ROCK2: variants seen among roughly 807,000 people sequenced by gnomAD.
ROCK2 encodes the protein Rho associated coiled-coil containing protein kinase 2, also known as rho-associated protein kinase 2.
A neutral mutation model predicts 195.1 loss-of-function variants in ROCK2; 61 were observed. That is an observed-to-expected ratio of 0.31 (90% CI 0.25 to 0.39). The LOEUF (loss-of-function observed/expected upper bound fraction) is 0.39, where lower values mean the gene tolerates loss of function less well. Among genes scored for constraint, ROCK2 ranks in the 10% least tolerant of loss-of-function variants. The pLI is 1.00. For missense variants in ROCK2, 1,109 were observed against 1,637.4 expected, an observed-to-expected ratio of 0.68 and a Z score of 5.57; for synonymous variants, 504 against 545.5, an observed-to-expected ratio of 0.92 and a Z score of 1.06.
intron 15 of ROCK2, 44 bp from the exon 16 acceptor site, chr2:11,215,130 T>G: frequency 1.3e-6 from 2 of 1,599,102 alleles, no homozygotes; most frequent in African/African-American, 2.7e-5. Context: ...CAAACACACA[T>G]GTATGTAATG....
chr2:11,273,331 C>T (rs1371727773), intron 3 of ROCK2, among the ~76,000 whole-genome samples: 1 of 151,790 alleles, frequency 6.6e-6, no homozygotes, highest in African/African-American at 2.4e-5. Context: ...GAAATAGTAA[C>T]CAAAAGAGAG....
At chr2:11,227,074 G>T (rs995549245) in intron 6 of ROCK2, among the ~76,000 whole-genome samples, 180 bp downstream of exon 6, 4 of 151,796 alleles carry the variant, frequency 2.6e-5, no homozygotes, top group African/African-American at 9.7e-5. Context: ...CCAGTATCAG[G>T]CTTGGTATTA....
At chr2:11,238,245 T>TGTGTGTGTGTGTGTGTGTGTGTGTTG (rs11377542) in intron 4 of ROCK2, among the ~76,000 whole-genome samples, 1 of 38,452 alleles carries the variant, frequency 2.6e-5, no homozygotes, top group South Asian at 9.1e-4. Context: ...TGTGTGTCTG[T>TGTGTGTGTGTGTGTGTGTGTGTGTTG]TGTGTGTGTC....
At chr2:11,317,612 A>ATATAT (rs59701503) in intron 1 of ROCK2, among the ~76,000 whole-genome samples, 16 of 19,302 alleles carry the variant, frequency 8.3e-4, no homozygotes, top group African/African-American at 1.6e-3. Flanking sequence ...ATATATATAT[A>ATATAT]TTTTTTTTTT....
intron 5 of ROCK2, 104 bp from the exon 6 acceptor site, chr2:11,227,502 G>T: frequency 1.9e-6 from 2 of 1,068,024 alleles, no homozygotes; most frequent in Non-Finnish European, 1.3e-6. Flanking sequence ...ATTACATATT[G>T]CTAACCAACA....
chr2:11,237,329 G>T (rs1665246737), intron 4 of ROCK2, among the ~76,000 whole-genome samples: 1 of 152,184 alleles, frequency 6.6e-6, no homozygotes, highest in Non-Finnish European at 1.5e-5. Flanking sequence ...AATGTTCTCT[G>T]AACACACTGA....
intron 3 of ROCK2, among the ~76,000 whole-genome samples, chr2:11,260,164 T>C (rs1666173232): frequency 6.6e-6 from 1 of 151,414 alleles, no homozygotes; most frequent in African/African-American, 2.5e-5. Flanking sequence ...AGAAGTTGCT[T>C]AGGCCGGGTG....
At position 11,214,859 on chromosome 2, in the gene ROCK2, C is replaced by T. The variant is rs752195293; in HGVS notation, c.1917G>A (p.Glu639=). The T allele has an allele frequency of 3.7e-6, 6 of 1,611,168 alleles. No individual in the cohort carries two copies. The Admixed American group carries it at 1.0e-4, about 27-fold the overall frequency. The part of the protein sequence containing the change: ...SERRDRTHGS[E]IINDLQGRIC... ...CAATACCTTGTAAATCATTAATTAT[C>T]TCTGATCCATGGGTTCGATCCCTCC... Residue 639 remains glutamate, a synonymous_variant, in exon 16 of 33, where the codon GAG becomes GAA. Transcript: ENST00000315872.
chr2:11,246,272 T>C (rs1266207289), intron 4 of ROCK2, among the ~76,000 whole-genome samples: 2 of 152,132 alleles, frequency 1.3e-5, no homozygotes, highest in East Asian at 1.9e-4. Flanking sequence ...CATGTTAAAC[T>C]ACACCACAAG....
chr2:11,250,374 C>T (rs958369371), intron 3 of ROCK2, among the ~76,000 whole-genome samples: 1 of 152,070 alleles, frequency 6.6e-6, no homozygotes, highest in African/African-American at 2.4e-5. Context: ...TTCTATGTTT[C>T]CAATTAGACT....
At chr2:11,340,794 A>C (rs976547285) in intron 1 of ROCK2, among the ~76,000 whole-genome samples, 1 of 152,212 alleles carries the variant, frequency 6.6e-6, no homozygotes, top group African/African-American at 2.4e-5. Flanking sequence ...TGAAAATTGT[A>C]AACAAAGTTT....
chr2:11,273,718 T>A (rs1229684773), intron 3 of ROCK2, among the ~76,000 whole-genome samples: 1 of 151,866 alleles, frequency 6.6e-6, no homozygotes, highest in African/African-American at 2.4e-5. Context: ...CCAAAACAGA[T>A]CATATGTCAG....
At chr2:11,309,104 T>C (rs967569328) in intron 1 of ROCK2, among the ~76,000 whole-genome samples, 1 of 151,640 alleles carries the variant, frequency 6.6e-6, no homozygotes, top group Non-Finnish European at 1.5e-5. Flanking sequence ...AAATTCAAAG[T>C]CCAGCACATC....
chr2:11,340,499 T>A (rs897841682), intron 1 of ROCK2, among the ~76,000 whole-genome samples: 3 of 152,126 alleles, frequency 2.0e-5, no homozygotes, highest in African/African-American at 4.8e-5. Flanking sequence ...CCTATCAACA[T>A]GAAAGTTTTA....
chr2:11,205,089 T>C (rs1171289320), intron 20 of ROCK2, among the ~76,000 whole-genome samples: 1 of 152,152 alleles, frequency 6.6e-6, no homozygotes, highest in Non-Finnish European at 1.5e-5. Flanking sequence ...GACCCCTAAA[T>C]GCCAGAGTGA....
intron 3 of ROCK2, among the ~76,000 whole-genome samples, chr2:11,271,103 T>A (rs575829433): frequency 4.6e-5 from 7 of 152,330 alleles, no homozygotes; most frequent in African/African-American, 1.7e-4. Flanking sequence ...AGTCATAGGA[T>A]GGCTAGTGTG....
chr2:11,345,021 C>G (rs1315228327), upstream of ROCK2, among the ~76,000 whole-genome samples: 1 of 150,394 alleles, frequency 6.6e-6, no homozygotes, highest in Non-Finnish European at 1.5e-5. Context: ...TGGGGGGGAG[C>G]CCGGCCGCGC....
At chr2:11,283,224 C>T (rs1331437386) in intron 3 of ROCK2, among the ~76,000 whole-genome samples, 9 of 147,658 alleles carry the variant, frequency 6.1e-5, no homozygotes, top group African/African-American at 2.3e-4. Context: ...GCCTAGATAG[C>T]GCCATTGCAC....
intron 7 of ROCK2, 150 bp from the exon 8 acceptor site, chr2:11,222,324 C>A (rs1664664154): frequency 1.9e-6 from 1 of 528,788 alleles, no homozygotes; most frequent in Non-Finnish European, 3.3e-6. Context: ...CAAAAATAAG[C>A]AATCCCAAGT....
Sources: gnomAD v4.1 joint callset for allele counts (sites outside exome capture counted in the v4.1 genomes callset) on GRCh38, gnomAD v4.1.1 for gene constraint, MANE v1.5 for transcripts, NCBI Gene and HGNC (gene_info 2026-07-23, HGNC 2026-07-21) for gene names.